The following KMT2C variants were observed in gnomAD, a reference collection of about 807,000 sequenced individuals.
KMT2C encodes the protein histone-lysine N-methyltransferase 2C.
In KMT2C, 88 loss-of-function variants were observed where a neutral mutation model predicts 507.9. That is an observed-to-expected ratio of 0.17 (90% CI 0.15 to 0.21). The LOEUF is 0.21. KMT2C is among the 10% of genes least tolerant of loss of function. The pLI is 1.00. For synonymous variants in KMT2C, 2,049 were observed against 2,080.8 expected (o/e 0.98, Z 0.42); for missense variants, 4,954 against 5,957.8 (o/e 0.83, Z 5.55).
intron 37 of KMT2C, among the ~76,000 whole-genome samples, chr7:152,178,258 T>C (rs1482837595): frequency 6.6e-6 from 1 of 152,016 alleles, no homozygotes; most frequent in Non-Finnish European, 1.5e-5. Flanking sequence ...ATTTAACAGA[T>C]AACAAAAATG....
chr7:152,157,780 T>G (rs1470238889), intron 44 of KMT2C: 1 of 1,296,292 alleles, frequency 7.7e-7, no homozygotes, highest in African/African-American at 1.5e-5. Flanking sequence ...CAACTGAGAA[T>G]AGTAGTCCGA....
intron 15 of KMT2C, 89 bp downstream of exon 15, chr7:152,238,618 T>G: frequency 7.2e-7 from 1 of 1,382,348 alleles, no homozygotes; most frequent in Non-Finnish European, 9.6e-7. Context: ...AAGCTCAATC[T>G]AGAAAAGAAA....
intron 1 of KMT2C, among the ~76,000 whole-genome samples, chr7:152,414,055 C>CA (rs1227878496): frequency 6.6e-6 from 1 of 151,182 alleles, no homozygotes; most frequent in Non-Finnish European, 1.5e-5. Context: ...ACTAAAAATA[C>CA]AAAATTTAGC....
chr7:152,169,473 G>A (rs2129107330), intron 40 of KMT2C, among the ~76,000 whole-genome samples: 1 of 152,100 alleles, frequency 6.6e-6, no homozygotes, highest in East Asian at 1.9e-4. Context: ...TCTAGATTTT[G>A]GCTGAAAACA....
At chr7:152,251,620 C>A (rs2095563437) in intron 11 of KMT2C, among the ~76,000 whole-genome samples, 1 of 151,918 alleles carries the variant, frequency 6.6e-6, no homozygotes. Context: ...AGAAAAATAA[C>A]CCACATTATA....
intron 23 of KMT2C, among the ~76,000 whole-genome samples, chr7:152,207,829 T>C (rs2094349202): frequency 1.3e-5 from 2 of 152,226 alleles, no homozygotes; most frequent in African/African-American, 2.4e-5. Context: ...GAACTACTAA[T>C]TTAAAATAAA....
At chr7:152,318,543 T>G (rs1041644610) in intron 3 of KMT2C, among the ~76,000 whole-genome samples, 1 of 147,750 alleles carries the variant, frequency 6.8e-6, no homozygotes, top group African/African-American at 2.5e-5. Context: ...AGGGGAATTG[T>G]TTGAACCAGG....
intron 1 of KMT2C, among the ~76,000 whole-genome samples, chr7:152,393,682 A>G (rs2097518494): frequency 6.6e-6 from 1 of 152,164 alleles, no homozygotes; most frequent in Non-Finnish European, 1.5e-5. Context: ...GGGAGGCTGA[A>G]GCAGGCAGAT....
chr7:152,364,497 T>G (rs556911931), intron 1 of KMT2C, among the ~76,000 whole-genome samples: 133 of 151,434 alleles, frequency 8.8e-4, no homozygotes, highest in African/African-American at 3.1e-3. Flanking sequence ...TAGTCCTAGC[T>G]ATTTGGGAGG....
intron 52 of KMT2C, among the ~76,000 whole-genome samples, chr7:152,147,160 T>A (rs990035823): frequency 6.8e-6 from 1 of 146,382 alleles, no homozygotes; most frequent in African/African-American, 2.6e-5. Context: ...TTTTCAGACT[T>A]TTTTTTTTTA....
chr7:152,219,095 G>A (rs1327621269), intron 23 of KMT2C, among the ~76,000 whole-genome samples: 22 of 151,786 alleles, frequency 1.4e-4, no homozygotes, highest in African/African-American at 2.7e-4. Context: ...TTGGCCTCCC[G>A]AGTAGCTGGG....
intron 1 of KMT2C, chr7:152,368,223 AAC>A (rs1353309124): frequency 1.3e-5 from 12 of 898,734 alleles, no homozygotes; most frequent in East Asian, 4.8e-5. Context: ...TGCTGATAAA[AAC>A]ACACACTCAG....
At chr7:152,387,018 C>T (rs910311822) in intron 1 of KMT2C, among the ~76,000 whole-genome samples, 7 of 152,108 alleles carry the variant, frequency 4.6e-5, no homozygotes, top group South Asian at 2.1e-4. Context: ...ATAAGAATAA[C>T]CACAGAATAG....
chr7:152,213,882 A>G (rs1434878616), intron 23 of KMT2C, among the ~76,000 whole-genome samples: 1 of 152,182 alleles, frequency 6.6e-6, no homozygotes, highest in South Asian at 2.1e-4. Flanking sequence ...TAGCAAAAAA[A>G]TCCCAAATAA....
intron 15 of KMT2C, among the ~76,000 whole-genome samples, chr7:152,238,114 CCAG>C (rs1332550990): frequency 7.2e-5 from 11 of 152,294 alleles, no homozygotes; most frequent in African/African-American, 2.2e-4. Flanking sequence ...CAGCCATATT[CCAG>C]AATATTAAAT....
At chr7:152,277,262 T>G (rs2096098506) in intron 6 of KMT2C, among the ~76,000 whole-genome samples, 1 of 152,136 alleles carries the variant, frequency 6.6e-6, no homozygotes, top group African/African-American at 2.4e-5. Context: ...TTCACCAGTC[T>G]TTTTTTAGTA....
At chr7:152,325,631 A>G (rs899850130) in intron 3 of KMT2C, among the ~76,000 whole-genome samples, 17 of 151,864 alleles carry the variant, frequency 1.1e-4, no homozygotes, top group African/African-American at 3.9e-4. Flanking sequence ...TTTTGTAGAG[A>G]CAGGGCTTTG....
intron 7 of KMT2C, among the ~76,000 whole-genome samples, chr7:152,273,295 TA>T (rs1009516333): frequency 6.6e-6 from 1 of 152,204 alleles, no homozygotes; most frequent in Non-Finnish European, 1.5e-5. Flanking sequence ...GTGTTCTTAT[TA>T]ACGTAAATCC....
chr7:152,212,423 A>C (rs2094475296), intron 23 of KMT2C, among the ~76,000 whole-genome samples: 1 of 152,244 alleles, frequency 6.6e-6, no homozygotes, highest in Admixed American at 6.5e-5. Flanking sequence ...AGCCAGAGCA[A>C]TCACATAAGA....
Sources: allele counts gnomAD v4.1 joint callset (sites outside exome capture counted in the v4.1 genomes callset), GRCh38; gene constraint gnomAD v4.1.1; transcripts MANE v1.5; gene names NCBI Gene and HGNC (gene_info 2026-07-23, HGNC 2026-07-21).